Variants in LZTFL1 observed in about 807,000 individuals in gnomAD.
LZTFL1 encodes leucine zipper transcription factor-like protein 1.
LZTFL1 carries 25 observed loss-of-function variants against 45.9 expected under a neutral mutation model. The ratio of observed to expected loss-of-function variants is 0.54; its 90% CI spans 0.40 to 0.76. The LOEUF (loss-of-function observed/expected upper bound fraction) is 0.76. Among genes scored for constraint, LZTFL1 ranks in the 30% least tolerant of loss-of-function variants. The pLI is 0.00. For synonymous variants in LZTFL1, 93 were observed against 117.4 expected, an observed-to-expected ratio of 0.79 and a Z score of 1.35; for missense variants, 277 against 331.1, an observed-to-expected ratio of 0.84 and a Z score of 1.27.
In LZTFL1 at chr3:45,825,492, A is replaced by G. The variant is rs1425239136; in HGVS notation, c.*822T>C. On this transcript the variant is annotated 3_prime_UTR_variant, in exon 10 of 10. Transcript: ENST00000296135. ...TCTGATAGCTGATTTTATGTTGAAT[A>G]TACGTCTTTTAAAAAGTGTTCTTAT... The G allele has an allele frequency of 6.6e-6, 1 of 152,212 alleles. No individual in the cohort carries two copies. Among genetic ancestry groups the G allele is most frequent in the Non-Finnish European group, 1.5e-5 (1 of 68,010 alleles). The allele number at this position is 152,212 out of a possible 1,614,324, so 9.4% of individuals were successfully genotyped here.
rs757370656 is a variant in LZTFL1 at position 45,901,017 on chromosome 3, A to C, written c.-215+12103T>G. 3 of 1,614,172 alleles carry C rather than the reference A, an allele frequency of 1.9e-6. No homozygotes were observed. Among genetic ancestry groups the C allele is most frequent in the Non-Finnish European group, 2.5e-6 (3 of 1,180,022 alleles). ...TGTTATCCTTGTCTACTGGTACTGC[A>C]CAAGAGTGAAGACCATGACCGACAT... On this transcript the variant is annotated intron_variant, in intron 2 of 4. Coordinates refer to the LZTFL1 transcript ENST00000472635. The surrounding 1 kb of genome is among the most constrained non-coding windows in gnomAD (Gnocchi z 4.3).
intron 2 of LZTFL1, among the ~76,000 whole-genome samples, chr3:45,872,904 T>C (rs1445063944): frequency 6.6e-6 from 1 of 152,192 alleles, no homozygotes; most frequent in Non-Finnish European, 1.5e-5. Flanking sequence ...CAAGTGAGGC[T>C]GAAGTAGGGC....
At chr3:45,890,312 T>TAAATATATATATAAC (rs1702124812) in intron 2 of LZTFL1, among the ~76,000 whole-genome samples, 2 of 61,982 alleles carry the variant, frequency 3.2e-5, no homozygotes, top group African/African-American at 1.7e-4. Flanking sequence ...AACATATATA[T>TAAATATATATATAAC]ATATTTATAT....
intron 2 of LZTFL1, among the ~76,000 whole-genome samples, chr3:45,883,182 A>C (rs1701892621): frequency 6.6e-6 from 1 of 152,198 alleles, no homozygotes; most frequent in African/African-American, 2.4e-5. Flanking sequence ...TAGAGAGGGA[A>C]GTTTTTGAAA....
chr3:45,832,883 G>T (rs1700866833), intron 5 of LZTFL1, 167 bp downstream of exon 5: 1 of 567,478 alleles, frequency 1.8e-6, no homozygotes. Flanking sequence ...TCTCTAGAAG[G>T]TTAAGTATGC....
At chr3:45,829,608 G>GAAAAAA (rs1206418827) in intron 7 of LZTFL1, among the ~76,000 whole-genome samples, 8 of 58,860 alleles carry the variant, frequency 1.4e-4, no homozygotes, top group Admixed American at 2.4e-4. Flanking sequence ...TGTCTCAAAA[G>GAAAAAA]AAAAAAAAAA....
chr3:45,899,341 T>C (rs940646993), intron 2 of LZTFL1, among the ~76,000 whole-genome samples: 1 of 152,170 alleles, frequency 6.6e-6, no homozygotes, highest in African/African-American at 2.4e-5. Flanking sequence ...CTACTAGAAA[T>C]AGATGGATAT....
upstream of LZTFL1, chr3:45,842,240 G>A (rs2125695385): frequency 7.8e-7 from 1 of 1,277,220 alleles, no homozygotes; most frequent in East Asian, 2.6e-5. Flanking sequence ...GGCTTCCAGG[G>A]CCGGAAGTCC....
At position 45,862,127 on chromosome 3, in the gene LZTFL1, G is replaced by A. The variant is rs374179527; in HGVS notation, c.-214-3111C>T. On this transcript the variant is annotated intron_variant, in intron 2 of 4. Coordinates refer to the LZTFL1 transcript ENST00000472635. ...TATGTGAGGCACCATCTTAGACTCT[G>A]GTGTCACAATGATGAAAACAGACAT... Among the ~76,000 whole-genome samples, 22 of 152,286 alleles carry A rather than the reference G, an allele frequency of 1.4e-4. No homozygotes were observed. The East Asian group carries it at 3.7e-3, about 25-fold the overall frequency.
intron 1 of LZTFL1, among the ~76,000 whole-genome samples, chr3:45,913,575 T>C (rs1043972728): frequency 2.6e-5 from 4 of 152,210 alleles, no homozygotes; most frequent in South Asian, 2.1e-4. Context: ...CTGCAGAAAT[T>C]GTCATGTAAT....
intron 2 of LZTFL1, among the ~76,000 whole-genome samples, chr3:45,873,719 C>T (rs1701705115): frequency 6.6e-6 from 1 of 152,180 alleles, no homozygotes; most frequent in Non-Finnish European, 1.5e-5. Flanking sequence ...CATCTTTCCA[C>T]AAATTCAAAC....
chr3:45,841,925 T>G (rs145616115), intron 1 of LZTFL1, 64 bp downstream of exon 1: 1 of 1,586,436 alleles, frequency 6.3e-7, no homozygotes, highest in African/African-American at 1.3e-5. Context: ...ACCCGCTCAG[T>G]GTCTCCAGCC....
intron 5 of LZTFL1, 200 bp downstream of exon 5, chr3:45,832,850 T>A (rs1467356399): frequency 2.2e-6 from 1 of 463,096 alleles, no homozygotes; most frequent in African/African-American, 2.0e-5. Context: ...CTTGAAAAGG[T>A]GTGATCAGGA....
At chr3:45,894,467 A>G (rs1200564577) in intron 2 of LZTFL1, among the ~76,000 whole-genome samples, 1 of 152,174 alleles carries the variant, frequency 6.6e-6, no homozygotes, top group African/African-American at 2.4e-5. Flanking sequence ...AGCTTCGGTG[A>G]GTCCCTTAGC....
At chr3:45,906,979 G>A (rs533506604) in intron 2 of LZTFL1, among the ~76,000 whole-genome samples, 16 of 152,296 alleles carry the variant, frequency 1.1e-4, no homozygotes, top group Admixed American at 5.2e-4. Context: ...TTCCCTGTGC[G>A]GGATCCAGGC....
intron 2 of LZTFL1, among the ~76,000 whole-genome samples, chr3:45,899,362 A>G (rs1256270563): frequency 6.6e-6 from 1 of 152,242 alleles, no homozygotes; most frequent in Non-Finnish European, 1.5e-5. Flanking sequence ...TACAATGTAT[A>G]CAGATAGGGA....
chr3:45,852,256 C>A (rs1399427353), intron 4 of LZTFL1, among the ~76,000 whole-genome samples: 3 of 152,152 alleles, frequency 2.0e-5, no homozygotes, highest in African/African-American at 7.2e-5. Context: ...TTTTGGAGGA[C>A]AGTCTGGAAA....
chr3:45,876,644 C>G (rs1156507139), intron 2 of LZTFL1, among the ~76,000 whole-genome samples: 2 of 152,202 alleles, frequency 1.3e-5, no homozygotes, highest in African/African-American at 4.8e-5. Context: ...CCTCTCACAG[C>G]AATCCCTTGA....
intron 4 of LZTFL1, among the ~76,000 whole-genome samples, chr3:45,851,622 T>G (rs1361340632): frequency 6.6e-6 from 1 of 152,184 alleles, no homozygotes; most frequent in Non-Finnish European, 1.5e-5. Context: ...GTGCAATCAT[T>G]TAACTATGAG....
Sources: allele counts gnomAD v4.1 joint callset (sites outside exome capture counted in the v4.1 genomes callset), GRCh38; gene constraint gnomAD v4.1.1; non-coding constraint Gnocchi (gnomAD v3.1); transcripts MANE v1.5; gene names NCBI Gene and HGNC (gene_info 2026-07-23, HGNC 2026-07-21).